Variants in MRTFA observed in about 807,000 individuals in gnomAD.
MRTFA encodes the protein myocardin-related transcription factor A.
In MRTFA, 20 loss-of-function variants were observed where a neutral mutation model predicts 83.5. The observed-to-expected ratio is 0.24, with a 90% CI of 0.17 to 0.35. MRTFA has a LOEUF of 0.35. MRTFA is among the 10% of genes least tolerant of loss of function. The pLI, the probability that MRTFA is intolerant of heterozygous loss-of-function variation, is 1.00. For synonymous variants in MRTFA, 659 were observed against 541.2 expected, an observed-to-expected ratio of 1.22 and a Z score of -3.02; for missense variants, 1,200 against 1,224.7, an observed-to-expected ratio of 0.98 and a Z score of 0.30.
intron 3 of MRTFA, among the ~76,000 whole-genome samples, chr22:40,487,518 A>T: frequency 6.6e-6 from 1 of 152,018 alleles, no homozygotes; most frequent in Non-Finnish European, 1.5e-5. Flanking sequence ...CTACCAGACC[A>T]CTACTGGGAT....
chr22:40,532,333 A>C lies in MRTFA; in HGVS notation c.241+19773T>G, dbSNP rs185729922. Among the ~76,000 whole-genome samples the C allele has an allele frequency of 3.9e-5, 6 of 152,364 alleles. No homozygotes were observed. The East Asian group carries it at 1.2e-3, about 29-fold the overall frequency. On this transcript the variant is annotated intron_variant, in intron 3 of 14. Transcript: ENST00000355630. The stretch of plus-strand genomic sequence containing the variant: ...ATGCTAAAATCTACCCCTCAAGATA[A>C]AACAGGCACTTGCCCACACATAGCA...
intron 7 of MRTFA, among the ~76,000 whole-genome samples, chr22:40,426,340 C>T (rs982507498): frequency 6.6e-6 from 1 of 152,106 alleles, no homozygotes; most frequent in African/African-American, 2.4e-5. Context: ...ATCTCCTTGA[C>T]TCTTTCCTCT....
Position 40,431,484 on chromosome 22 carries a change from C to T in MRTFA, c.364-4G>A. 4 of 1,613,662 alleles carry T rather than the reference C, an allele frequency of 2.5e-6. No individual in the cohort carries two copies. The South Asian group carries it at 4.4e-5, about 18-fold the overall frequency. ...TCCGTTTGAGATAGTCCTCTGTCTA[C>T]AGAAAAAACACACCAAGAAACTCTC... On this transcript the variant is annotated splice_region_variant and splice_polypyrimidine_tract_variant and intron_variant, in intron 5 of 14. Coordinates refer to ENST00000355630, the MANE Select transcript of MRTFA (RefSeq NM_020831.6).
At chr22:40,581,327 G>C (rs1206929057) in intron 2 of MRTFA, among the ~76,000 whole-genome samples, 1 of 152,104 alleles carries the variant, frequency 6.6e-6, no homozygotes, top group Non-Finnish European at 1.5e-5. Flanking sequence ...ATAAATGGAA[G>C]GTTCACCATT....
At chr22:40,531,771 T>C (rs953629553) in intron 3 of MRTFA, among the ~76,000 whole-genome samples, 1 of 152,194 alleles carries the variant, frequency 6.6e-6, no homozygotes, top group African/African-American at 2.4e-5. Context: ...AGAGAGACAG[T>C]ATTTTACTAT....
intron 4 of MRTFA, among the ~76,000 whole-genome samples, chr22:40,449,223 C>T (rs562628847): frequency 4.5e-4 from 68 of 149,476 alleles, no homozygotes; most frequent in Non-Finnish European, 6.7e-4. Flanking sequence ...GCCGAGATTG[C>T]GCCACTACAC....
rs772313726 is a variant in MRTFA at position 40,560,438 on chromosome 22, T to C, written c.-21-8071A>G. Among the ~76,000 whole-genome samples, 8 of 152,296 alleles carry C rather than the reference T, an allele frequency of 5.3e-5. No individual in the cohort carries two copies. The South Asian group carries it at 8.3e-4, about 16-fold the overall frequency. On this transcript the variant is annotated intron_variant, in intron 2 of 14. Transcript: ENST00000355630. The stretch of plus-strand genomic sequence containing the variant: ...GGATTTATTTCTCTAACAAACACAC[T>C]ACTCTCTATTCATTTTGAAAGAGCC...
intron 1 of MRTFA, among the ~76,000 whole-genome samples, chr22:40,599,805 A>G (rs2056236109): frequency 1.3e-5 from 2 of 151,984 alleles, no homozygotes; most frequent in Non-Finnish European, 2.9e-5. Flanking sequence ...AGGCTGAGGT[A>G]GGAGGATCGC....
chr22:40,536,365 G>A (rs913133163), intron 3 of MRTFA, among the ~76,000 whole-genome samples: 27 of 146,024 alleles, frequency 1.8e-4, no homozygotes, highest in Non-Finnish European at 3.8e-4. Context: ...GAGTTCAGCG[G>A]GCAGCGGAGC....
intron 1 of MRTFA, among the ~76,000 whole-genome samples, chr22:40,615,443 A>G (rs1238843458): frequency 6.6e-6 from 1 of 152,192 alleles, no homozygotes; most frequent in Non-Finnish European, 1.5e-5. Flanking sequence ...TGTTTTGGCT[A>G]TTATAGGTCC....
chr22:40,549,943 G>C (rs917218715), intron 3 of MRTFA, among the ~76,000 whole-genome samples: 3 of 151,892 alleles, frequency 2.0e-5, no homozygotes, highest in African/African-American at 7.3e-5. Flanking sequence ...CAGCTACTCG[G>C]GTGGCTGAGG....
intron 3 of MRTFA, among the ~76,000 whole-genome samples, chr22:40,498,273 A>ATTTTTT (rs1189933906): frequency 2.9e-4 from 12 of 40,970 alleles, no homozygotes; most frequent in Admixed American, 6.6e-4. Context: ...ATATATATAT[A>ATTTTTT]TTTTTTTTTT....
chr22:40,474,596 AC>A (rs2053962946), intron 3 of MRTFA, among the ~76,000 whole-genome samples: 1 of 151,872 alleles, frequency 6.6e-6, no homozygotes, highest in Non-Finnish European at 1.5e-5. Flanking sequence ...CCTTGTCCCA[AC>A]CTCTCTTTCC....
chr22:40,410,782 C>T lies in MRTFA; in HGVS notation c.*608G>A. ...GTTGCACCCATCTCCTGTCCGCCCCCCCCCAAAAATATATATGTATGTCGA... is the reference window on the plus strand; with the variant it reads ...GTTGCACCCATCTCCTGTCCGCCCCTCCCCAAAAATATATATGTATGTCGA... On this transcript the variant is annotated 3_prime_UTR_variant, in exon 15 of 15. Transcript: ENST00000355630. The T allele has an allele frequency of 4.3e-6, 1 of 232,978 alleles. No homozygotes were observed. The highest frequency in any genetic ancestry group is 1.8e-4 in the South Asian group (1 of 5,530). 14.4% of individuals were successfully genotyped at this position (232,978 alleles called of 1,614,324 possible).
At chr22:40,561,023 T>C (rs1032718255) in intron 2 of MRTFA, among the ~76,000 whole-genome samples, 21 of 152,182 alleles carry the variant, frequency 1.4e-4, no homozygotes, top group African/African-American at 5.1e-4. Flanking sequence ...TTTTAAACAA[T>C]TGGTAAAAAA....
At chr22:40,622,129 C>G (rs2056529826) in intron 1 of MRTFA, among the ~76,000 whole-genome samples, 1 of 152,134 alleles carries the variant, frequency 6.6e-6, no homozygotes, top group Non-Finnish European at 1.5e-5. Context: ...TACCGGGAAT[C>G]TGTGAATGTT....
intron 2 of MRTFA, among the ~76,000 whole-genome samples, chr22:40,577,250 A>AT (rs2055880935): frequency 6.6e-6 from 1 of 150,800 alleles, no homozygotes; most frequent in Admixed American, 6.6e-5. Flanking sequence ...AAAAAAAAAA[A>AT]AAAAAAATTA....
intron 3 of MRTFA, chr22:40,519,751 G>T: frequency 2.2e-6 from 1 of 456,996 alleles, no homozygotes; most frequent in Non-Finnish European, 3.5e-6. Flanking sequence ...ACGCCTAAGA[G>T]CAAAGTCTGA....
intron 1 of MRTFA, among the ~76,000 whole-genome samples, chr22:40,602,207 T>C (rs1402215442): frequency 6.6e-6 from 1 of 152,118 alleles, no homozygotes; most frequent in African/African-American, 2.4e-5. Context: ...ATCTCAGCAT[T>C]GGAAAGTGAT....
Sources: gnomAD v4.1 joint callset for allele counts (sites outside exome capture counted in the v4.1 genomes callset) on GRCh38, gnomAD v4.1.1 for gene constraint, MANE v1.5 for transcripts, NCBI Gene and HGNC (gene_info 2026-07-23, HGNC 2026-07-21) for gene names.